The following CCDC73 variants were observed in gnomAD, a reference collection of about 807,000 sequenced individuals.
CCDC73 encodes the protein coiled-coil domain-containing protein 73.
CCDC73 carries 95 observed loss-of-function variants against 116.5 expected under a neutral mutation model. The ratio of observed to expected loss-of-function variants is 0.82; its 90% confidence interval spans 0.69 to 0.97. The LOEUF is 0.97. CCDC73 is among the 50% of genes least tolerant of loss of function. The pLI is 0.00. For synonymous variants in CCDC73, 398 were observed against 401.3 expected (o/e 0.99, Z 0.10); for missense variants, 1,066 against 1,206.8 (o/e 0.88, Z 1.73).
chr11:32,630,221 T>A (rs1855619276), intron 14 of CCDC73, among the ~76,000 whole-genome samples: 1 of 152,212 alleles, frequency 6.6e-6, no homozygotes, highest in East Asian at 1.9e-4. Context: ...AACTTTGGTA[T>A]AATATTATTG....
rs35315650 is a variant in CCDC73 at position 32,639,155 on chromosome 11, A to ACC, written c.1050+2815_1050+2816dup. Among the ~76,000 whole-genome samples, 688 of 148,296 alleles carry ACC rather than the reference A, an allele frequency of 4.6e-3. 9 individuals carry two copies. The highest frequency in any genetic ancestry group is 7.5e-3 in the Non-Finnish European group (503 of 67,516). ...AGAGCGAGACTCCATCTTCCCCGAC[A>ACC]CCCCCCCCAAAAAATCCTATTCCAT... On this transcript the variant is annotated intron_variant, in intron 13 of 17. Coordinates refer to ENST00000335185, the MANE Select transcript of CCDC73 (RefSeq NM_001008391.4).
Position 32,734,615 on chromosome 11 carries a change from T to C in CCDC73, c.136-16468A>G, listed in dbSNP as rs566454852. Among the ~76,000 whole-genome samples the C allele has an allele frequency of 4.0e-5, 6 of 151,844 alleles. No individual in the cohort carries two copies. The East Asian group carries it at 1.2e-3, about 29-fold the overall frequency. Reference sequence around the variant, plus strand: ...TCCCTGGGTACTTGAGATTAGGGAGTGGTGATGACTCTTAAGGAGCATGCT... The same window carrying C: ...TCCCTGGGTACTTGAGATTAGGGAGCGGTGATGACTCTTAAGGAGCATGCT... On this transcript the variant is annotated intron_variant, in intron 2 of 17. Transcript: ENST00000335185.
intron 3 of CCDC73, among the ~76,000 whole-genome samples, chr11:32,705,577 T>G (rs775991001): frequency 5.6e-4 from 85 of 152,140 alleles, no homozygotes; most frequent in Non-Finnish European, 7.9e-4. Flanking sequence ...TTGGCAGGCA[T>G]GGGATCTGGG....
intron 7 of CCDC73, among the ~76,000 whole-genome samples, chr11:32,678,728 C>A (rs572065764): frequency 1.9e-4 from 29 of 151,852 alleles, no homozygotes; most frequent in African/African-American, 6.5e-4. Context: ...ACTAAAAATA[C>A]AAAAATTAGC....
chr11:32,754,462 A>T (rs574420246), intron 2 of CCDC73, among the ~76,000 whole-genome samples: 1 of 152,304 alleles, frequency 6.6e-6, no homozygotes, highest in East Asian at 1.9e-4. Context: ...AGAAAAAGAT[A>T]ATAGAGAAAA....
At chr11:32,630,315 TTTTG>T (rs1458686285) in intron 14 of CCDC73, among the ~76,000 whole-genome samples, 4 of 152,176 alleles carry the variant, frequency 2.6e-5, no homozygotes, top group Non-Finnish European at 5.9e-5. Flanking sequence ...CTGCCTGTTT[TTTTG>T]TTTGTTTGTT....
chr11:32,826,168 A>C, the CCDC73 span, among the ~76,000 whole-genome samples: 1 of 152,352 alleles, frequency 6.6e-6, no homozygotes, highest in African/African-American at 2.4e-5. Flanking sequence ...TGATTTGTTG[A>C]ATCTGAAAAT....
At chr11:32,758,913 C>T (rs1033106856) in intron 2 of CCDC73, among the ~76,000 whole-genome samples, 1 of 151,948 alleles carries the variant, frequency 6.6e-6, no homozygotes, top group African/African-American at 2.4e-5. Flanking sequence ...ACTTTTATTA[C>T]AATAATAAGT....
At chr11:32,743,601 T>C (rs1192070276) in intron 2 of CCDC73, among the ~76,000 whole-genome samples, 1 of 152,208 alleles carries the variant, frequency 6.6e-6, no homozygotes, top group Non-Finnish European at 1.5e-5. Flanking sequence ...GGTTTGTAGT[T>C]CTCCTGGAAG....
intron 1 of CCDC73, among the ~76,000 whole-genome samples, chr11:32,776,312 T>C (rs2133391122): frequency 6.6e-6 from 1 of 152,306 alleles, no homozygotes; most frequent in South Asian, 2.1e-4. Context: ...TTCTCCAGAA[T>C]TATTTTGCAA....
At chr11:32,780,286 TAATA>T (rs1201112973) in intron 1 of CCDC73, among the ~76,000 whole-genome samples, 4 of 151,040 alleles carry the variant, frequency 2.6e-5, no homozygotes, top group South Asian at 4.2e-4. Flanking sequence ...AAAATAATAA[TAATA>T]AATAAATAAA....
At chr11:32,629,921 C>CAAA (rs367693675) in intron 14 of CCDC73, among the ~76,000 whole-genome samples, 3,332 of 55,220 alleles carry the variant, frequency 0.06, 266 homozygotes, top group Non-Finnish European at 0.086. Flanking sequence ...AGCAGATATG[C>CAAA]AAAAAAAAAA....
At chr11:32,793,347 G>A (rs936606095) in intron 1 of CCDC73, among the ~76,000 whole-genome samples, 5 of 152,310 alleles carry the variant, frequency 3.3e-5, no homozygotes, top group Admixed American at 2.6e-4. Flanking sequence ...TGATTCTCAG[G>A]TTGGGATATT....
At chr11:32,793,997 G>T (rs1590651472) in intron 1 of CCDC73, among the ~76,000 whole-genome samples, 1 of 152,284 alleles carries the variant, frequency 6.6e-6, no homozygotes, top group Non-Finnish European at 1.5e-5. Flanking sequence ...ATTTGCTCGT[G>T]CAAGGCAGTT....
At chr11:32,814,204 A>G in the CCDC73 span, among the ~76,000 whole-genome samples, 1 of 152,198 alleles carries the variant, frequency 6.6e-6, no homozygotes. Flanking sequence ...AAATTCAGTT[A>G]TCTATGGAAC....
At chr11:32,828,991 T>C in the CCDC73 span, among the ~76,000 whole-genome samples, 7 of 152,066 alleles carry the variant, frequency 4.6e-5, no homozygotes, top group Non-Finnish European at 8.8e-5. Flanking sequence ...ACAAAAGCAG[T>C]AGCCAAGAGA....
At chr11:32,794,887 C>T (rs1379222877), upstream of CCDC73, among the ~76,000 whole-genome samples, 4 of 147,314 alleles carry the variant, frequency 2.7e-5, no homozygotes, top group African/African-American at 1.0e-4. Context: ...TTTTTTGAGA[C>T]GGAGTCTCGC....
chr11:32,828,512 GAA>G, the CCDC73 span, among the ~76,000 whole-genome samples: 3 of 100,454 alleles, frequency 3.0e-5, no homozygotes, highest in Admixed American at 1.1e-4. Flanking sequence ...TCTGTCTCAA[GAA>G]AAAAAAAAAA....
chr11:32,642,383 GA>G (rs1183143457), intron 12 of CCDC73, among the ~76,000 whole-genome samples: 1 of 151,928 alleles, frequency 6.6e-6, no homozygotes, highest in African/African-American at 2.4e-5. Flanking sequence ...GTACAGCACT[GA>G]AAAGTATGAA....
Sources: allele counts gnomAD v4.1 joint callset (sites outside exome capture counted in the v4.1 genomes callset), GRCh38; gene constraint gnomAD v4.1.1; transcripts MANE v1.5; gene names NCBI Gene and HGNC (gene_info 2026-07-23, HGNC 2026-07-21).